The following COL6A6 variants were observed in gnomAD, a reference collection of about 807,000 sequenced individuals.
COL6A6 encodes the protein collagen alpha-6(VI) chain.
Under a neutral mutation model 208.6 loss-of-function variants are expected in COL6A6, and 183 were observed. The ratio of observed to expected loss-of-function variants is 0.88; its 90% confidence interval spans 0.78 to 0.99. The LOEUF is 0.99. Among genes scored for constraint, COL6A6 ranks in the 50% least tolerant of loss-of-function variants. The pLI is 0.00. For synonymous variants in COL6A6, 973 were observed against 1,011.8 expected, an observed-to-expected ratio of 0.96 and a Z score of 0.73; for missense variants, 2,816 against 2,815.2, an observed-to-expected ratio of 1.00 and a Z score of -0.01.
In COL6A6 at chr3:130,571,147, G is replaced by A. The variant is rs371003490; in HGVS notation, c.2731G>A (p.Val911Ile). Reference protein sequence around the residue: ...EARGSRLNKGVPQVLIVITDG... With the variant: ...EARGSRLNKGIPQVLIVITDG... ...CCGGGGCAGCCGCCTGAACAAGGGG[G>A]TCCCCCAAGTCCTCATTGTGATCAC... The change falls in exon 7 of 37, where the codon GTC (valine) becomes ATC (isoleucine). Residue 911 changes from valine to isoleucine, a missense_variant. Coordinates refer to ENST00000358511, the MANE Select transcript of COL6A6 (RefSeq NM_001102608.3). 4.6e-5 allele frequency: 75 copies of A among 1,613,390 alleles called. No individual in the cohort carries two copies. In the African/African-American group the frequency reaches 6.9e-4, roughly 15 times the overall value.
intron 12 of COL6A6, among the ~76,000 whole-genome samples, chr3:130,589,809 A>G (rs1560033567): frequency 4.6e-5 from 7 of 152,232 alleles, no homozygotes; most frequent in South Asian, 4.1e-4. Flanking sequence ...GTTTAAATAC[A>G]TATAAACACT....
chr3:130,546,391 G>C (rs1006343147), intron 1 of COL6A6, among the ~76,000 whole-genome samples: 1 of 152,156 alleles, frequency 6.6e-6, no homozygotes, highest in African/African-American at 2.4e-5. Context: ...GCAGATCTTC[G>C]AGGTGAGTGT....
At chr3:130,535,843 A>G (rs2062211995) in intron 1 of COL6A6, among the ~76,000 whole-genome samples, 1 of 152,168 alleles carries the variant, frequency 6.6e-6, no homozygotes. Flanking sequence ...AAACACTTTG[A>G]TTAGTCTTGT....
intron 21 of COL6A6, among the ~76,000 whole-genome samples, chr3:130,608,466 G>A (rs1359061548): frequency 6.6e-6 from 1 of 152,082 alleles, no homozygotes; most frequent in African/African-American, 2.4e-5. Flanking sequence ...ACAATATGAA[G>A]AGAATGCTCA....
At chr3:130,551,978 A>C (rs933772484) in intron 1 of COL6A6, among the ~76,000 whole-genome samples, 1 of 152,096 alleles carries the variant, frequency 6.6e-6, no homozygotes, top group African/African-American at 2.4e-5. Flanking sequence ...TTGAGTGATC[A>C]GTATTGATTT....
chr3:130,597,859 G>A (rs1051990314), intron 18 of COL6A6, among the ~76,000 whole-genome samples: 2 of 152,170 alleles, frequency 1.3e-5, no homozygotes, highest in Non-Finnish European at 2.9e-5. Flanking sequence ...AGAGAAAGAG[G>A]GAGCTGGTGG....
At chr3:130,635,438 G>A (rs976822852) in intron 27 of COL6A6, among the ~76,000 whole-genome samples, 7 of 152,102 alleles carry the variant, frequency 4.6e-5, no homozygotes, top group Non-Finnish European at 8.8e-5. Flanking sequence ...TAGAGTCAGA[G>A]GATAAAATAA....
chr3:130,648,981 G>A, intron 32 of COL6A6, 88 bp from the exon 33 acceptor site: 1 of 1,087,632 alleles, frequency 9.2e-7, no homozygotes, highest in South Asian at 2.1e-5. Context: ...GTATTTGAAT[G>A]CTTAACATTT....
intron 31 of COL6A6, among the ~76,000 whole-genome samples, chr3:130,644,142 AAAG>A (rs1355154900): frequency 3.9e-5 from 6 of 152,246 alleles, no homozygotes; most frequent in African/African-American, 7.2e-5. Context: ...TTAGAACAAA[AAAG>A]AAATCATAAC....
chr3:130,593,734 C>T (rs73198039), intron 17 of COL6A6, among the ~76,000 whole-genome samples: 7 of 152,194 alleles, frequency 4.6e-5, no homozygotes, highest in Non-Finnish European at 1.0e-4. Context: ...GCAAAGGACA[C>T]AGGAATAGGG....
At chr3:130,654,810 T>C (rs1184431985) in intron 33 of COL6A6, among the ~76,000 whole-genome samples, 1 of 152,064 alleles carries the variant, frequency 6.6e-6, no homozygotes, top group African/African-American at 2.4e-5. Context: ...CTCAAATCAG[T>C]CTCCCTGAGA....
In COL6A6 at chr3:130,566,817, C is replaced by T; in HGVS notation, c.1398C>T (p.Phe466=). ...KTFLSEVVGM[F]NIAPHKVRVG... ...TCCTGTCAGAGGTGGTAGGGATGTT[C>T]AACATTGCTCCCCATAAGGTGCGGG... The change falls in exon 5 of 37, where the codon TTC becomes TTT. Residue 466 remains phenylalanine, a synonymous_variant. Coordinates refer to ENST00000358511, the MANE Select transcript of COL6A6 (RefSeq NM_001102608.3). The T allele has an allele frequency of 6.2e-7, 1 of 1,613,936 alleles. No homozygotes were observed. Among genetic ancestry groups the T allele is most frequent in the Non-Finnish European group, 8.5e-7 (1 of 1,179,858 alleles).
intron 33 of COL6A6, among the ~76,000 whole-genome samples, chr3:130,656,758 C>T (rs1250559818): frequency 6.6e-6 from 1 of 152,186 alleles, no homozygotes; most frequent in Admixed American, 6.5e-5. Flanking sequence ...GCCCTGAGAA[C>T]CCCCCTTGGA....
rs543510344 is a variant in COL6A6, at chr3:130,594,353, C to T, written c.4533+10C>T. 4.9e-5 allele frequency: 79 copies of T among 1,608,710 alleles called. No individual in the cohort carries two copies. Among genetic ancestry groups the T allele is most frequent in the Admixed American group, 2.7e-4 (16 of 59,168 alleles). ...CCTGCGAGGGGATCCCGTAAGTGCA[C>T]GGGCTGCAAACTGGAGTTAGGGCTT... is the stretch of plus-strand genomic sequence containing the variant. On this transcript the variant is annotated intron_variant, in intron 18 of 36. Coordinates refer to ENST00000358511, the MANE Select transcript of COL6A6 (RefSeq NM_001102608.3).
At chr3:130,527,458 AC>A (rs1445556839) in intron 1 of COL6A6, among the ~76,000 whole-genome samples, 2 of 151,996 alleles carry the variant, frequency 1.3e-5, no homozygotes, top group East Asian at 1.9e-4. Context: ...AATGTTCAGC[AC>A]CCCCCGCCAA....
At chr3:130,664,592 G>T (rs1031178775) in intron 35 of COL6A6, among the ~76,000 whole-genome samples, 1 of 152,114 alleles carries the variant, frequency 6.6e-6, no homozygotes, top group African/African-American at 2.4e-5. Context: ...TGCTATTGTT[G>T]CTGTTGTTAG....
chr3:130,564,974 G>A lies in COL6A6; in HGVS notation c.662-20G>A. 1 of 1,605,974 alleles carries A rather than the reference G, an allele frequency of 6.2e-7. No homozygotes were observed. The highest frequency in any genetic ancestry group is 8.5e-7 in the Non-Finnish European group (1 of 1,175,468). On this transcript the variant is annotated intron_variant, in intron 3 of 36. Coordinates refer to ENST00000358511, the MANE Select transcript of COL6A6 (RefSeq NM_001102608.3). The stretch of plus-strand genomic sequence containing the variant: ...TGAACCACCAGCTAAAATTGTGCTT[G>A]TTTATTTCTTGCCACACAGCTTGCC...
At chr3:130,578,682 A>G (rs930134083) in intron 8 of COL6A6, among the ~76,000 whole-genome samples, 4 of 152,164 alleles carry the variant, frequency 2.6e-5, no homozygotes, top group African/African-American at 9.7e-5. Context: ...ACTTCCCTAC[A>G]CTACTGGGTT....
chr3:130,555,323 A>G (rs2062743156), intron 1 of COL6A6, among the ~76,000 whole-genome samples: 1 of 152,088 alleles, frequency 6.6e-6, no homozygotes, highest in South Asian at 2.1e-4. Context: ...CAGGAACAAG[A>G]CCTGGTGTGT....
Sources: allele counts gnomAD v4.1 joint callset (sites outside exome capture counted in the v4.1 genomes callset), GRCh38; gene constraint gnomAD v4.1.1; transcripts MANE v1.5; gene names NCBI Gene and HGNC (gene_info 2026-07-23, HGNC 2026-07-21).